The following TNKS1BP1 variants were observed in gnomAD, a reference collection of about 807,000 sequenced individuals.
TNKS1BP1 encodes the protein 182 kDa tankyrase-1-binding protein.
Under a neutral mutation model 141.1 loss-of-function variants are expected in TNKS1BP1, and 48 were observed. The observed-to-expected ratio is 0.34, with a 90% CI of 0.27 to 0.43. The LOEUF (loss-of-function observed/expected upper bound fraction) is 0.43, where lower values mean the gene tolerates loss of function less well. Among genes scored for constraint, TNKS1BP1 ranks in the 20% least tolerant of loss-of-function variants. The pLI is 1.00. For synonymous variants in TNKS1BP1, 875 were observed against 898.2 expected, an observed-to-expected ratio of 0.97 and a Z score of 0.46; for missense variants, 2,149 against 2,226.0, an observed-to-expected ratio of 0.97 and a Z score of 0.70.
At chr11:57,306,315 T>C (rs1855609793) in intron 6 of TNKS1BP1, among the ~76,000 whole-genome samples, 1 of 151,292 alleles carries the variant, frequency 6.6e-6, no homozygotes, top group Non-Finnish European at 1.5e-5. Context: ...GCCCATAGTG[T>C]AGAATTTCCC....
intron 1 of TNKS1BP1, 60 bp from the exon 2 acceptor site, chr11:57,322,010 A>C: frequency 7.6e-7 from 1 of 1,311,072 alleles, no homozygotes; most frequent in South Asian, 1.5e-5. Flanking sequence ...TAGGTTTAGC[A>C]GAGAGAAGTC....
At chr11:57,320,022 A>AACCACCCCCCC in intron 3 of TNKS1BP1, 57 bp downstream of exon 3, 1 of 1,118,688 alleles carries the variant, frequency 8.9e-7, no homozygotes. Context: ...CCCCCACCCA[A>AACCACCCCCCC]TCCCACCCCA....
Position 57,320,677 on chromosome 11 carries a change from G to A in TNKS1BP1, c.130C>T (p.Pro44Ser). 1 of 1,607,712 alleles carries A rather than the reference G, an allele frequency of 6.2e-7. No homozygotes were observed. Among genetic ancestry groups the A allele is most frequent in the Non-Finnish European group, 8.5e-7 (1 of 1,177,452 alleles). ...TRAKPPVKPK[P>S]RALPAKPALP... ...GCTGGCTTGGCAGGCAGGGCCCGGG[G>A]TTTGGGCTTGACAGGGGGTTTGGCC... The change falls in exon 3 of 12, where the codon CCC becomes TCC. Residue 44 changes from proline (P) to serine (S), a missense_variant. Pro to Ser is a moderately conservative substitution (Grantham distance 74). Coordinates refer to ENST00000358252, the MANE Select transcript of TNKS1BP1 (RefSeq NM_033396.3).
rs1167496821 is a variant in TNKS1BP1, at chr11:57,324,888, TCCCCGCCGCCGCCGCCGCTGCTAC to T, written c.-138_-115del. 4 of 990,938 alleles carry T rather than the reference TCCCCGCCGCCGCCGCCGCTGCTAC, an allele frequency of 4.0e-6. No individual in the cohort carries two copies. Among genetic ancestry groups the T allele is most frequent in the Non-Finnish European group, 4.8e-6 (4 of 835,150 alleles). 61.4% of individuals were successfully genotyped at this position (990,938 alleles called of 1,614,324 possible). A position where few individuals can be genotyped will look rare whatever the true frequency, so the allele number is the denominator to read the frequency against. On this transcript the variant is annotated 5_prime_UTR_variant, in exon 1 of 12. Transcript: ENST00000358252. Reference sequence around the variant, plus strand: ...GCTCGGCTCGGGGCCCCGATGCCAGTCCCCGCCGCCGCCGCCGCTGCTACCGCCGCCGCCGCCGCCGTCACCGCG... The same window carrying T: ...GCTCGGCTCGGGGCCCCGATGCCAGTCGCCGCCGCCGCCGCCGTCACCGCG...
Position 57,313,772 on chromosome 11 carries a change from G to T in TNKS1BP1, c.916C>A (p.Pro306Thr), listed in dbSNP as rs1431077638. Reference sequence around the variant, plus strand: ...TGGCAGGGAGAACTCTTATCAGGCGGGTGAAGATGGGGAGAGCCAGGGCCT... The same window carrying T: ...TGGCAGGGAGAACTCTTATCAGGCGTGTGAAGATGGGGAGAGCCAGGGCCT... ...GSGPGSPHLH[P>T]PDKSSPCHSQ... is the part of the protein sequence containing the mutation. The change falls in exon 5 of 12, where the codon CCG (proline) becomes ACG (threonine). Residue 306 changes from proline (P) to threonine (T), a missense_variant. By Grantham distance (38) the Pro-to-Thr change is conservative. Transcript: ENST00000358252. 2.7e-5 allele frequency: 43 copies of T among 1,599,534 alleles called. No homozygotes were observed. Among genetic ancestry groups the T allele is most frequent in the Non-Finnish European group, 3.7e-5 (43 of 1,173,704 alleles).
Position 57,313,158 on chromosome 11 carries a change from A to T in TNKS1BP1, c.1530T>A (p.Ala510=). ...TGGAAACGGCCAAGTTGCCAGCCTC[A>T]GCAGCCTCGGCGGCCTCACTGGCTT... ...ITEASEAAEA[A]EAGNLAVSSR... Residue 510 remains alanine, a synonymous_variant, in exon 5 of 12, where the codon GCT becomes GCA. Transcript: ENST00000358252. The T allele has an allele frequency of 6.2e-7, 1 of 1,612,988 alleles. No homozygotes were observed. The highest frequency in any genetic ancestry group is 8.5e-7 in the Non-Finnish European group (1 of 1,180,026).
intron 6 of TNKS1BP1, among the ~76,000 whole-genome samples, chr11:57,308,041 T>C (rs994981974): frequency 2.6e-5 from 4 of 152,204 alleles, no homozygotes; most frequent in African/African-American, 9.6e-5. Flanking sequence ...GCTTCAGGGC[T>C]GAGAGGCCTG....
At chr11:57,322,303 A>G (rs1167246989) in intron 1 of TNKS1BP1, 30 of 1,001,268 alleles carry the variant, frequency 3.0e-5, no homozygotes, top group Non-Finnish European at 3.5e-5. Context: ...AGAGCTAGAG[A>G]GCTGCAAAGT....
intron 5 of TNKS1BP1, chr11:57,311,205 ACC>A (rs1855702951): frequency 1.0e-6 from 1 of 982,178 alleles, no homozygotes; most frequent in Non-Finnish European, 1.2e-6. Context: ...GGCTTCTTGC[ACC>A]CCACCCCCCA....
rs1331003446 is a variant in TNKS1BP1, at chr11:57,309,368, T to C, written c.3343A>G (p.Ile1115Val). Reference protein sequence around the residue: ...GQQDWSRDFCIEASERSYQFG... With the variant: ...GQQDWSRDFCVEASERSYQFG... ...TGATAGCTCCTCTCACTGGCCTCGATGCAGAAGTCCCGGCTCCAGTCCTGC... is the reference window on the plus strand; with the variant it reads ...TGATAGCTCCTCTCACTGGCCTCGACGCAGAAGTCCCGGCTCCAGTCCTGC... The change falls in exon 6 of 12, where the codon ATC (isoleucine) becomes GTC (valine). Residue 1115 changes from isoleucine to valine, a missense_variant. Coordinates refer to ENST00000358252, the MANE Select transcript of TNKS1BP1 (RefSeq NM_033396.3). This position sits in a 1 kb window ranked among gnomAD's most constrained non-coding sequence, Gnocchi z 4.3. The C allele has an allele frequency of 1.2e-6, 2 of 1,614,160 alleles. No homozygotes were observed. Among genetic ancestry groups the C allele is most frequent in the African/African-American group, 1.3e-5 (1 of 75,044 alleles).
At chr11:57,320,016 C>CCCCCCCA in intron 3 of TNKS1BP1, 63 bp downstream of exon 3, 6 of 1,246,404 alleles carry the variant, frequency 4.8e-6, no homozygotes, top group East Asian at 2.5e-5. Flanking sequence ...CCCCAGCCCC[C>CCCCCCCA]ACCCAATCCC....
At position 57,309,770 on chromosome 11, in the gene TNKS1BP1, G is replaced by T. The variant is rs760398703; in HGVS notation, c.2941C>A (p.Pro981Thr). Residue 981 changes from proline to threonine, a missense_variant, in exon 6 of 12, where the codon CCC becomes ACC. Coordinates refer to ENST00000358252, the MANE Select transcript of TNKS1BP1 (RefSeq NM_033396.3). The surrounding 1 kb of genome is among the most constrained non-coding windows in gnomAD (Gnocchi z 4.3). ...TCGGGGCTGAACCCAGAGCTCAGGG[G>T]TCTCGTTCCAAAGCTTCTGTCCTGG... is the stretch of plus-strand genomic sequence containing the variant. ...DAQDRSFGTR[P>T]LSSGFSPEEA... 14 of 1,614,076 alleles carry T rather than the reference G, an allele frequency of 8.7e-6. No individual in the cohort carries two copies. The highest frequency in any genetic ancestry group is 4.4e-5 in the South Asian group (4 of 91,086).
In TNKS1BP1 at chr11:57,313,410, G is replaced by A. The variant is rs564169178; in HGVS notation, c.1278C>T (p.Arg426=). 56 of 1,611,828 alleles carry A rather than the reference G, an allele frequency of 3.5e-5. No individual in the cohort carries two copies. The South Asian group carries it at 4.7e-4, about 14-fold the overall frequency. ...AHLRPTSLVQ[R]RFSEGVLQSP... ...ACTGGAGCACACCTTCAGAGAATCG[G>A]CGCTGAACCAGGCTGGTGGGGCGGA... The change falls in exon 5 of 12, where the codon CGC becomes CGT. Residue 426 remains arginine (R), a synonymous_variant. Transcript: ENST00000358252.
chr11:57,301,142 A>G, intron 9 of TNKS1BP1, 101 bp from the exon 10 acceptor site: 2 of 1,270,288 alleles, frequency 1.6e-6, no homozygotes, highest in South Asian at 1.6e-5. Flanking sequence ...CCCAGAATCA[A>G]GCAGAGACCC....
At chr11:57,320,011 G>GCCCCCCCCCCAAACC in intron 3 of TNKS1BP1, 68 bp downstream of exon 3, 26 of 1,296,676 alleles carry the variant, frequency 2.0e-5, no homozygotes, top group East Asian at 1.5e-4. Context: ...TTGGTCCCCA[G>GCCCCCCCCCCAAACC]CCCCCACCCA....
intron 3 of TNKS1BP1, among the ~76,000 whole-genome samples, chr11:57,318,564 C>T (rs1178819345): frequency 6.6e-6 from 1 of 152,208 alleles, no homozygotes; most frequent in African/African-American, 2.4e-5. Context: ...GCCTTCATAG[C>T]AGTAGGAAGA....
In TNKS1BP1 at chr11:57,324,892, CGCCGCCGCCGCCGCTGCT is replaced by C. The variant is rs1855945314; in HGVS notation, c.-136_-119del. 3.1e-6 allele frequency: 3 copies of C among 979,592 alleles called. No individual in the cohort carries two copies. Among genetic ancestry groups the C allele is most frequent in the Non-Finnish European group, 3.6e-6 (3 of 826,104 alleles). The allele number at this position is 979,592 out of a possible 1,614,324, so 60.7% of individuals were successfully genotyped here. A position where few individuals can be genotyped will look rare whatever the true frequency, so the allele number is the denominator to read the frequency against. On this transcript the variant is annotated 5_prime_UTR_variant, in exon 1 of 12. Coordinates refer to ENST00000358252, the MANE Select transcript of TNKS1BP1 (RefSeq NM_033396.3). ...GGCTCGGGGCCCCGATGCCAGTCCC[CGCCGCCGCCGCCGCTGCT>C]ACCGCCGCCGCCGCCGCCGTCACCG...
chr11:57,311,081 T>C (rs1021114276), intron 5 of TNKS1BP1, among the ~76,000 whole-genome samples: 11 of 152,188 alleles, frequency 7.2e-5, no homozygotes, highest in South Asian at 4.2e-4. Context: ...AGGCCCTTCT[T>C]CCCCAGCCAA....
intron 1 of TNKS1BP1, chr11:57,322,187 G>T: frequency 9.1e-7 from 1 of 1,093,928 alleles, no homozygotes; most frequent in Non-Finnish European, 1.1e-6. Flanking sequence ...GCTTCAGGGA[G>T]TCACTCACTG....
Sources: gnomAD v4.1 joint callset for allele counts (sites outside exome capture counted in the v4.1 genomes callset) on GRCh38, gnomAD v4.1.1 for gene constraint, Gnocchi (gnomAD v3.1) non-coding constraint, MANE v1.5 for transcripts, NCBI Gene and HGNC (gene_info 2026-07-23, HGNC 2026-07-21) for gene names.